TMEM114: variants seen among roughly 807,000 people sequenced by gnomAD.
TMEM114 encodes the protein claudin-26.
Under a neutral mutation model 6.2 loss-of-function variants are expected in TMEM114, and 6 were observed. The ratio of observed to expected loss-of-function variants is 0.97; its 90% CI spans 0.53 to 1.91. The LOEUF (loss-of-function observed/expected upper bound fraction) is 1.91. TMEM114 is among the 40% of genes most tolerant of loss of function. TMEM114 has a pLI of 0.01. For synonymous variants in TMEM114, 104 were observed against 73.0 expected (o/e 1.42, Z -2.16); for missense variants, 218 against 158.3 (o/e 1.38, Z -2.02).
At chr16:8,549,141 C>A (rs143365070) in intron 2 of TMEM114, among the ~76,000 whole-genome samples, 1 of 140,448 alleles carries the variant, frequency 7.1e-6, no homozygotes, top group Non-Finnish European at 1.5e-5. Context: ...GAGATCGTAC[C>A]ACTGCACTGC....
chr16:8,558,965 G>T (rs199699585), intron 2 of TMEM114, among the ~76,000 whole-genome samples: 5 of 150,496 alleles, frequency 3.3e-5, no homozygotes, highest in African/African-American at 1.2e-4. Context: ...GGATGGTCTC[G>T]ATCTCCTGAC....
intron 3 of TMEM114, 116 bp from the exon 4 acceptor site, chr16:8,570,121 T>A: frequency 7.3e-7 from 1 of 1,371,308 alleles, no homozygotes. Context: ...CGCTCCTTCC[T>A]GCTGCGGGAC....
At chr16:8,588,733 C>G (rs1214486162) in intron 2 of TMEM114, among the ~76,000 whole-genome samples, 4 of 152,200 alleles carry the variant, frequency 2.6e-5, no homozygotes, top group African/African-American at 9.7e-5. Context: ...CTATCGCACC[C>G]CACTACTGCA....
chr16:8,543,894 G>A (rs1270337712), intron 2 of TMEM114, among the ~76,000 whole-genome samples: 1 of 152,140 alleles, frequency 6.6e-6, no homozygotes, highest in African/African-American at 2.4e-5. Context: ...CATAACATAG[G>A]AACCTACACA....
chr16:8,542,775 C>G (rs1900552920), intron 2 of TMEM114, among the ~76,000 whole-genome samples: 1 of 152,050 alleles, frequency 6.6e-6, no homozygotes, highest in African/African-American at 2.4e-5. Flanking sequence ...TGGGATATTT[C>G]CAACCAGAAT....
chr16:8,544,419 G>C (rs191589233), intron 2 of TMEM114, among the ~76,000 whole-genome samples: 2 of 152,236 alleles, frequency 1.3e-5, no homozygotes, highest in African/African-American at 4.8e-5. Flanking sequence ...GGGAAGTAAA[G>C]GGGGTGATAT....
At chr16:8,585,173 A>G (rs1465575514) in intron 2 of TMEM114, among the ~76,000 whole-genome samples, 4 of 152,148 alleles carry the variant, frequency 2.6e-5, no homozygotes, top group African/African-American at 9.7e-5. Context: ...CTTGTTCACT[A>G]TCACAAGAAC....
At chr16:8,562,888 G>C (rs1407755425) in intron 2 of TMEM114, among the ~76,000 whole-genome samples, 2 of 149,868 alleles carry the variant, frequency 1.3e-5, no homozygotes, top group Non-Finnish European at 3.0e-5. Flanking sequence ...GAGGGAGGGA[G>C]GGAATGAGTG....
intron 2 of TMEM114, among the ~76,000 whole-genome samples, chr16:8,543,546 C>T (rs900365044): frequency 6.6e-6 from 1 of 152,060 alleles, no homozygotes; most frequent in Admixed American, 6.5e-5. Flanking sequence ...TAGGACACCC[C>T]TCCCACCGAA....
chr16:8,559,820 C>T (rs1901140876), intron 2 of TMEM114, among the ~76,000 whole-genome samples: 1 of 152,118 alleles, frequency 6.6e-6, no homozygotes, highest in South Asian at 2.1e-4. Flanking sequence ...GTTTCCATGA[C>T]AGAAGCTGCA....
In TMEM114 at chr16:8,564,116, A is replaced by C. The variant is rs940785166; in HGVS notation, n.212+25097T>G. On this transcript the variant is annotated intron_variant and non_coding_transcript_variant, in intron 2 of 2. Transcript: ENST00000623677. ...GAGTGAATGAGTGAGGAAATAAGTA[A>C]GTGAATGAGTGAGTTAGTGAATGAG... Among the ~76,000 whole-genome samples, 13 of 151,514 alleles carry C rather than the reference A, an allele frequency of 8.6e-5. No homozygotes were observed. In the East Asian group the frequency reaches 1.5e-3, roughly 18 times the overall value.
downstream of TMEM114, among the ~76,000 whole-genome samples, chr16:8,566,668 C>T (rs1341404830): frequency 6.6e-6 from 1 of 152,214 alleles, no homozygotes; most frequent in Non-Finnish European, 1.5e-5. Context: ...CCTCTACCTT[C>T]ACCTCCTATT....
At chr16:8,557,902 A>G (rs915898021) in intron 2 of TMEM114, among the ~76,000 whole-genome samples, 6 of 152,192 alleles carry the variant, frequency 3.9e-5, no homozygotes, top group Admixed American at 1.3e-4. Flanking sequence ...ACCACCACAA[A>G]TTAGGTGGCT....
chr16:8,574,188 TC>T lies in TMEM114; in HGVS notation c.302-1965del, dbSNP rs528918552. 2.0e-5 allele frequency among the ~76,000 whole-genome samples: 3 copies of T among 152,276 alleles called. No individual in the cohort carries two copies. The South Asian group carries it at 6.2e-4, about 32-fold the overall frequency. Reference sequence around the variant, plus strand: ...GGCTGACTGTGGGGTCCTGGGCATGTCATTTAATTACTCAGAACCTCCATTT... The same window carrying T: ...GGCTGACTGTGGGGTCCTGGGCATGTATTTAATTACTCAGAACCTCCATTT... On this transcript the variant is annotated intron_variant, in intron 2 of 3. Coordinates refer to ENST00000620492, the MANE Select transcript of TMEM114 (RefSeq NM_001146336.2).
At chr16:8,555,029 C>A (rs190913940) in intron 2 of TMEM114, among the ~76,000 whole-genome samples, 18 of 152,334 alleles carry the variant, frequency 1.2e-4, no homozygotes, top group Admixed American at 6.5e-4. Context: ...AGTACCAGGG[C>A]CTTCCCACTC....
At chr16:8,527,278 C>T in the TMEM114 span, among the ~76,000 whole-genome samples, 1 of 152,170 alleles carries the variant, frequency 6.6e-6, no homozygotes, top group Non-Finnish European at 1.5e-5. Context: ...CAACTAAGCT[C>T]ATGAAGCCAT....
intron 2 of TMEM114, among the ~76,000 whole-genome samples, chr16:8,576,876 C>T (rs1901955933): frequency 6.6e-6 from 1 of 152,174 alleles, no homozygotes; most frequent in African/African-American, 2.4e-5. Flanking sequence ...ACTTATAATT[C>T]AGAAAGGAAG....
In TMEM114 at chr16:8,547,826, T is replaced by A. The variant is rs1015065322; in HGVS notation, n.213-10000A>T. Among the ~76,000 whole-genome samples, 5 of 152,078 alleles carry A rather than the reference T, an allele frequency of 3.3e-5. No individual in the cohort carries two copies. In the East Asian group the frequency reaches 9.7e-4, roughly 29 times the overall value. On this transcript the variant is annotated intron_variant and non_coding_transcript_variant, in intron 2 of 2. Transcript: ENST00000623677. ...TGGTTATTTAATTACCATGAGAGAC[T>A]CTCATCAGGATACCAACAGGCAAGT...
chr16:8,587,868 G>T (rs1902363095), intron 2 of TMEM114, among the ~76,000 whole-genome samples: 1 of 151,334 alleles, frequency 6.6e-6, no homozygotes, highest in Non-Finnish European at 1.5e-5. Flanking sequence ...GGAGGGAGAA[G>T]GCCAGGCACA....
Sources: gnomAD v4.1 joint callset for allele counts (sites outside exome capture counted in the v4.1 genomes callset) on GRCh38, gnomAD v4.1.1 for gene constraint, MANE v1.5 for transcripts, NCBI Gene and HGNC (gene_info 2026-07-23, HGNC 2026-07-21) for gene names.